Variants in STT3B observed in about 807,000 individuals in gnomAD.
STT3B encodes the protein STT3 oligosaccharyltransferase complex catalytic subunit B.
Under a neutral mutation model 96.8 loss-of-function variants are expected in STT3B, and 29 were observed. The observed-to-expected ratio is 0.30, with a 90% CI of 0.22 to 0.41. The LOEUF (loss-of-function observed/expected upper bound fraction) is 0.41. Ranked by LOEUF, STT3B falls within the 10% of genes least tolerant of loss-of-function variation. The pLI is 1.00. For synonymous variants in STT3B, 367 were observed against 360.0 expected (o/e 1.02, Z -0.22); for missense variants, 640 against 1,022.3 (o/e 0.63, Z 5.10).
intron 1 of STT3B, among the ~76,000 whole-genome samples, chr3:31,551,301 C>T (rs1182464858): frequency 2.0e-5 from 3 of 152,122 alleles, no homozygotes; most frequent in African/African-American, 4.8e-5. Flanking sequence ...CTACAACCTC[C>T]GCCTCCCAGG....
intron 3 of STT3B, among the ~76,000 whole-genome samples, chr3:31,592,331 A>C (rs909010092): frequency 6.6e-6 from 1 of 152,208 alleles, no homozygotes. Flanking sequence ...TTGTATGTAC[A>C]TGCCATATTT....
At chr3:31,598,368 T>C (rs1698841146) in intron 4 of STT3B, among the ~76,000 whole-genome samples, 1 of 152,162 alleles carries the variant, frequency 6.6e-6, no homozygotes, top group Admixed American at 6.5e-5. Flanking sequence ...TAAACAGTCA[T>C]TATCTAAACA....
chr3:31,564,751 T>G (rs1311693421), intron 1 of STT3B, among the ~76,000 whole-genome samples: 2 of 152,094 alleles, frequency 1.3e-5, no homozygotes, highest in African/African-American at 4.8e-5. Flanking sequence ...TTCATCAGGG[T>G]TACGTATAAA....
chr3:31,576,337 A>G (rs2125451894), intron 1 of STT3B, 59 bp from the exon 2 acceptor site: 1 of 946,732 alleles, frequency 1.1e-6, no homozygotes, highest in Non-Finnish European at 1.6e-6. Context: ...TTTAATATAA[A>G]GAAGGAGCTA....
chr3:31,555,173 T>G (rs567475505), intron 1 of STT3B, among the ~76,000 whole-genome samples: 75 of 152,292 alleles, frequency 4.9e-4, no homozygotes, highest in Admixed American at 2.0e-4. Flanking sequence ...GTGGGGAATA[T>G]ATATCCTTCT....
At chr3:31,580,339 C>T (rs1275367778) in intron 3 of STT3B, among the ~76,000 whole-genome samples, 1 of 152,068 alleles carries the variant, frequency 6.6e-6, no homozygotes, top group Non-Finnish European at 1.5e-5. Context: ...ATAAAACAAT[C>T]TGTTGATATT....
chr3:31,533,272 G>T lies in STT3B; in HGVS notation c.274G>T (p.Val92Phe). The T allele has an allele frequency of 6.6e-7, 1 of 1,525,688 alleles. No individual in the cohort carries two copies. The highest frequency in any genetic ancestry group is 8.8e-7 in the Non-Finnish European group (1 of 1,136,842). The allele number at this position is 1,525,688 out of a possible 1,614,324, so 94.5% of individuals were successfully genotyped here. The change falls in exon 1 of 16, where the codon GTC becomes TTC. Residue 92 changes from valine (V) to phenylalanine (F), a missense_variant. Val to Phe is a conservative substitution (Grantham distance 50, BLOSUM62 -1). Transcript: ENST00000295770. ...LAGFSSRLFAVIRFESIIHEF... is the reference protein window; with the variant it reads ...LAGFSSRLFAFIRFESIIHEF... The stretch of plus-strand genomic sequence containing the variant: ...CGGCTTCAGCTCGCGCCTCTTCGCC[G>T]TCATCCGCTTCGAAAGCATCATCCA...
At chr3:31,629,491 T>C (rs1469643313) in intron 14 of STT3B, 80 bp downstream of exon 14, 1 of 706,402 alleles carries the variant, frequency 1.4e-6, no homozygotes, top group African/African-American at 1.8e-5. Flanking sequence ...GAAAACAGGA[T>C]AATGATATTT....
chr3:31,591,495 C>G (rs1698661927), intron 3 of STT3B, among the ~76,000 whole-genome samples: 1 of 152,002 alleles, frequency 6.6e-6, no homozygotes, highest in Non-Finnish European at 1.5e-5. Flanking sequence ...TTAAGTATAC[C>G]ATTTTAATTC....
intron 1 of STT3B, among the ~76,000 whole-genome samples, chr3:31,573,004 A>G (rs2125450517): frequency 6.6e-6 from 1 of 152,302 alleles, no homozygotes; most frequent in Middle Eastern, 3.4e-3. Flanking sequence ...AAATGACAGA[A>G]TCTCTTAGAA....
At chr3:31,612,341 C>T (rs1333219363) in intron 5 of STT3B, among the ~76,000 whole-genome samples, 1 of 152,162 alleles carries the variant, frequency 6.6e-6, no homozygotes, top group African/African-American at 2.4e-5. Context: ...GGGTCCAGTT[C>T]TCTTAAAAGT....
chr3:31,609,050 G>A (rs2125468276), intron 5 of STT3B, among the ~76,000 whole-genome samples: 1 of 152,236 alleles, frequency 6.6e-6, no homozygotes, highest in East Asian at 1.9e-4. Flanking sequence ...GGGAGGCGGA[G>A]GTCGCAGTGA....
intron 3 of STT3B, among the ~76,000 whole-genome samples, chr3:31,583,239 A>G (rs529197577): frequency 5.9e-4 from 90 of 152,174 alleles, no homozygotes; most frequent in African/African-American, 1.9e-3. Flanking sequence ...TGCAATTGCT[A>G]TACCTTCTTG....
At chr3:31,543,347 T>A (rs1273047914) in intron 1 of STT3B, among the ~76,000 whole-genome samples, 1 of 152,182 alleles carries the variant, frequency 6.6e-6, no homozygotes, top group Non-Finnish European at 1.5e-5. Flanking sequence ...TTGGTGCTCA[T>A]TTTTCCTCTA....
At chr3:31,618,336 A>C (rs1411089273) in intron 8 of STT3B, among the ~76,000 whole-genome samples, 1 of 152,030 alleles carries the variant, frequency 6.6e-6, no homozygotes, top group East Asian at 1.9e-4. Context: ...AAGAATTCTT[A>C]AGGATACTGT....
At chr3:31,561,563 C>T (rs1384034148) in intron 1 of STT3B, among the ~76,000 whole-genome samples, 1 of 152,092 alleles carries the variant, frequency 6.6e-6, no homozygotes, top group African/African-American at 2.4e-5. Context: ...TCCCCACCTC[C>T]CCACCAAACC....
chr3:31,556,292 C>T (rs1052870457), intron 1 of STT3B, among the ~76,000 whole-genome samples: 2 of 152,128 alleles, frequency 1.3e-5, no homozygotes, highest in Non-Finnish European at 2.9e-5. Context: ...TTCCTTTATT[C>T]ATTTGTCTGT....
chr3:31,624,000 TAGG>T, intron 11 of STT3B, 139 bp downstream of exon 11: 1 of 711,962 alleles, frequency 1.4e-6, no homozygotes, highest in Non-Finnish European at 2.2e-6. Flanking sequence ...TTAATTTTGG[TAGG>T]TACACAGTAA....
At chr3:31,622,075 G>A (rs1298424191) in intron 9 of STT3B, 22 bp from the exon 10 acceptor site, 4 of 1,603,580 alleles carry the variant, frequency 2.5e-6, no homozygotes, top group African/African-American at 1.3e-5. Context: ...CCAACATATT[G>A]TAAGAGAATT....
Sources: gnomAD v4.1 joint callset for allele counts (sites outside exome capture counted in the v4.1 genomes callset) on GRCh38, gnomAD v4.1.1 for gene constraint, MANE v1.5 for transcripts, NCBI Gene and HGNC (gene_info 2026-07-23, HGNC 2026-07-21) for gene names.